APOO: variants seen among roughly 807,000 people sequenced by gnomAD.
APOO encodes apolipoprotein O.
A neutral mutation model predicts 23.1 loss-of-function variants in APOO; 11 were observed. That is an observed-to-expected ratio of 0.48 (90% confidence interval 0.30 to 0.79). APOO has a LOEUF of 0.79. Among genes scored for constraint, APOO ranks in the 30% least tolerant of loss-of-function variants. The pLI is 0.07. For missense variants in APOO, 160 were observed against 142.7 expected, an observed-to-expected ratio of 1.12 and a Z score of -0.62; for synonymous variants, 59 against 54.8, an observed-to-expected ratio of 1.08 and a Z score of -0.34.
intron 7 of APOO, among the ~76,000 whole-genome samples, chrX:23,847,240 T>C (rs752304932): frequency 4.9e-4 from 55 of 112,213 alleles, no homozygotes; most frequent in Middle Eastern, 4.6e-3. Context: ...GTTTGAACTT[T>C]AATAAGACCA....
intron 4 of APOO, 58 bp from the exon 5 acceptor site, chrX:23,868,746 A>G: frequency 2.1e-6 from 2 of 968,573 alleles, no homozygotes; most frequent in Non-Finnish European, 2.9e-6. Flanking sequence ...AAAACAAAAC[A>G]AAAGTCTTAT....
intron 8 of APOO, among the ~76,000 whole-genome samples, chrX:23,839,521 C>T (rs190383252): frequency 2.7e-5 from 3 of 111,264 alleles, no homozygotes; most frequent in Non-Finnish European, 5.7e-5. Flanking sequence ...TAAGTAAGGG[C>T]CATGATTTAC....
chrX:23,855,664 T>C (rs760169589), intron 7 of APOO, among the ~76,000 whole-genome samples: 2 of 111,498 alleles, frequency 1.8e-5, no homozygotes, highest in African/African-American at 3.3e-5. Flanking sequence ...AGGAAGGGAA[T>C]GTTCCAAGCG....
At chrX:23,866,609 C>T (rs764233641) in intron 5 of APOO, among the ~76,000 whole-genome samples, 30 of 110,674 alleles carry the variant, frequency 2.7e-4, no homozygotes, top group African/African-American at 9.8e-4. Context: ...AGCAACATAG[C>T]GAAACTCCGT....
chrX:23,895,658 G>GA lies in APOO; in HGVS notation c.9+12035dup, dbSNP rs908239078. ...GTATCCCAGGACTTAGAGTAAAATA[G>GA]AAAAAAAAATTACAATATTAGTCTT... On this transcript the variant is annotated intron_variant, in intron 1 of 8. Coordinates refer to ENST00000379226, the MANE Select transcript of APOO (RefSeq NM_024122.5). Among the ~76,000 whole-genome samples, 19 of 108,890 alleles carry GA rather than the reference G, an allele frequency of 1.7e-4. No homozygotes were observed. In the South Asian group the frequency reaches 3.1e-3, roughly 18 times the overall value. The allele number at this position is 108,890 out of a possible 115,157, so 94.6% of individuals were successfully genotyped here.
intron 7 of APOO, among the ~76,000 whole-genome samples, chrX:23,853,919 G>A (rs1450711799): frequency 9.0e-6 from 1 of 111,261 alleles, no homozygotes; most frequent in Non-Finnish European, 1.9e-5. Flanking sequence ...TCAGGCATGA[G>A]CCACTGTGCC....
intron 7 of APOO, among the ~76,000 whole-genome samples, chrX:23,854,899 C>A (rs965339420): frequency 3.8e-4 from 42 of 110,531 alleles, no homozygotes; most frequent in East Asian, 1.4e-3. Flanking sequence ...AAAAAACAAT[C>A]AAAAAAACAG....
intron 1 of APOO, among the ~76,000 whole-genome samples, chrX:23,888,786 G>A (rs1926486268): frequency 9.8e-6 from 1 of 102,462 alleles, no homozygotes; most frequent in African/African-American, 3.6e-5. Context: ...GAAGGTGGAG[G>A]TTGCAGTGAG....
At chrX:23,844,255 A>G (rs1320495516) in intron 7 of APOO, among the ~76,000 whole-genome samples, 1 of 111,751 alleles carries the variant, frequency 8.9e-6, no homozygotes, top group East Asian at 2.8e-4. Context: ...AGGATAAATG[A>G]CCTGTTAAAG....
At chrX:23,889,201 T>C (rs1000121138) in intron 1 of APOO, among the ~76,000 whole-genome samples, 2 of 111,292 alleles carry the variant, frequency 1.8e-5, no homozygotes, top group Admixed American at 9.7e-5. Context: ...GCTTTAAAGG[T>C]AGATTCTTAG....
intron 5 of APOO, among the ~76,000 whole-genome samples, chrX:23,863,698 T>C (rs931739766): frequency 1.8e-5 from 2 of 110,390 alleles, no homozygotes; most frequent in Non-Finnish European, 3.8e-5. Flanking sequence ...AAGGAGAAGA[T>C]GACATGGAAC....
intron 7 of APOO, among the ~76,000 whole-genome samples, chrX:23,853,617 TTTTGTTTG>T (rs1238911251): frequency 1.0e-5 from 1 of 96,254 alleles, no homozygotes; most frequent in Non-Finnish European, 2.0e-5. Flanking sequence ...CGTTTTTTTT[TTTTGTTTG>T]TTTGTTTGTT....
At chrX:23,895,434 A>G (rs1926855199) in intron 1 of APOO, among the ~76,000 whole-genome samples, 1 of 111,689 alleles carries the variant, frequency 9.0e-6, no homozygotes, top group African/African-American at 3.3e-5. Context: ...CTCACTCATA[A>G]GTGGGATTGA....
chrX:23,904,520 T>C (rs2147056088), intron 1 of APOO, among the ~76,000 whole-genome samples: 1 of 101,358 alleles, frequency 9.9e-6, no homozygotes, highest in South Asian at 5.0e-4. Context: ...TTTTTTTTTT[T>C]TTTTTTGGGA....
At chrX:23,865,183 G>A (rs4828908) in intron 5 of APOO, among the ~76,000 whole-genome samples, 52,038 of 110,034 alleles carry the variant, frequency 0.47, 10,945 homozygotes, top group African/African-American at 0.81. Context: ...TGTCATCTTG[G>A]AGTGGTCTGG....
chrX:23,835,003 G>T (rs765613685), intron 8 of APOO, among the ~76,000 whole-genome samples: 1 of 103,936 alleles, frequency 9.6e-6, no homozygotes, highest in Admixed American at 1.1e-4. Flanking sequence ...GATTACAGCC[G>T]TGAGCCACCA....
chrX:23,879,101 TG>T, intron 2 of APOO, 67 bp from the exon 3 acceptor site: 1 of 1,097,431 alleles, frequency 9.1e-7, no homozygotes, highest in Non-Finnish European at 1.2e-6. Context: ...TTATCAAATT[TG>T]TAAGTATTTA....
At chrX:23,864,687 C>G (rs953201845) in intron 5 of APOO, among the ~76,000 whole-genome samples, 1 of 112,250 alleles carries the variant, frequency 8.9e-6, no homozygotes, top group Non-Finnish European at 1.9e-5. Context: ...AAATCCCCAA[C>G]GATGGAACTG....
rs1259525873 is a variant in APOO, at chrX:23,894,544, C to T, written c.9+13150G>A. Among the ~76,000 whole-genome samples, 3 of 111,794 alleles carry T rather than the reference C, an allele frequency of 2.7e-5. No homozygotes were observed. In the Admixed American group the frequency reaches 2.9e-4, roughly 11 times the overall value. On this transcript the variant is annotated intron_variant, in intron 1 of 8. Transcript: ENST00000379226. ...GGCGCCGTGGCTCACGCCTGTAATC[C>T]AGCACTTTGGAAAGCCAAGTTGGTT... is the stretch of plus-strand genomic sequence containing the variant.
Sources: gnomAD v4.1 joint callset for allele counts (sites outside exome capture counted in the v4.1 genomes callset) on GRCh38, gnomAD v4.1.1 for gene constraint, MANE v1.5 for transcripts, NCBI Gene and HGNC (gene_info 2026-07-23, HGNC 2026-07-21) for gene names.